RWDD2B: variants seen among roughly 807,000 people sequenced by gnomAD.
RWDD2B encodes RWD domain-containing protein 2B.
In RWDD2B, 36 loss-of-function variants were observed where a neutral mutation model predicts 33.6. The observed-to-expected ratio is 1.07, with a 90% CI of 0.82 to 1.42. The LOEUF is 1.42. Among genes scored for constraint, RWDD2B ranks in the 40% most tolerant of loss-of-function variants. RWDD2B has a pLI of 0.00. For missense variants in RWDD2B, 364 were observed against 377.5 expected (o/e 0.96, Z 0.30); for synonymous variants, 126 against 133.1 (o/e 0.95, Z 0.37).
At position 29,008,380 on chromosome 21, in the gene RWDD2B, G is replaced by T. The variant is rs747702715; in HGVS notation, c.294+15C>A. On this transcript the variant is annotated intron_variant, in intron 2 of 4. Transcript: ENST00000493196. ...TCAACATGTTTCAATCCCTCTAAAA[G>T]CAAAACTGAATTACCATTTTTTCGT... The T allele has an allele frequency of 1.9e-5, 31 of 1,613,110 alleles. No homozygotes were observed. Among genetic ancestry groups the T allele is most frequent in the Non-Finnish European group, 2.6e-5 (31 of 1,179,262 alleles).
intron 1 of RWDD2B, among the ~76,000 whole-genome samples, chr21:29,012,104 C>G (rs1401844529): frequency 7.3e-6 from 1 of 137,000 alleles, no homozygotes; most frequent in Non-Finnish European, 1.6e-5. Context: ...GCCGCCCCGT[C>G]CGGGAGGGAG....
At chr21:29,015,415 G>C (rs1233815101) in intron 1 of RWDD2B, among the ~76,000 whole-genome samples, 1 of 151,252 alleles carries the variant, frequency 6.6e-6, no homozygotes, top group Non-Finnish European at 1.5e-5. Context: ...ATTTTTAGTA[G>C]AGATGGGGTT....
In RWDD2B at chr21:29,014,212, G is replaced by T. The variant is rs1444232035; in HGVS notation, c.67+4999C>A. ...AGAGAATGAGAGCAAGTGCAAGAGA[G>T]ATGAAGGGGCCAAATGCATGCTTTT... is the stretch of plus-strand genomic sequence containing the variant. On this transcript the variant is annotated intron_variant, in intron 1 of 4. Transcript: ENST00000493196. Among the ~76,000 whole-genome samples, 5 of 152,302 alleles carry T rather than the reference G, an allele frequency of 3.3e-5. No homozygotes were observed. In the East Asian group the frequency reaches 7.7e-4, roughly 23 times the overall value.
At chr21:29,010,316 G>A (rs2084850042) in intron 1 of RWDD2B, among the ~76,000 whole-genome samples, 4 of 151,636 alleles carry the variant, frequency 2.6e-5, no homozygotes, top group Non-Finnish European at 5.9e-5. Flanking sequence ...TTAATACATA[G>A]TTCCTTTTGG....
intron 1 of RWDD2B, among the ~76,000 whole-genome samples, chr21:29,015,480 T>C (rs2084885864): frequency 6.6e-6 from 1 of 150,994 alleles, no homozygotes; most frequent in African/African-American, 2.4e-5. Context: ...CCACCCGCGT[T>C]GGCCTCCCAA....
At position 29,005,055 on chromosome 21, in the gene RWDD2B, G is replaced by C. The variant is rs2084821740; in HGVS notation, c.*1362C>G. The C allele has an allele frequency of 6.6e-6, 1 of 152,184 alleles. No homozygotes were observed. The highest frequency in any genetic ancestry group is 6.5e-5 in the Admixed American group (1 of 15,268). The allele number at this position is 152,184 out of a possible 1,614,324, so 9.4% of individuals were successfully genotyped here. ...GCTAGCAAATTAGCAAATAATAAAT[G>C]CTTTTGGAACTAACTGGTTTATGGA... is the stretch of plus-strand genomic sequence containing the variant. On this transcript the variant is annotated 3_prime_UTR_variant, in exon 5 of 5. Coordinates refer to ENST00000493196, the MANE Select transcript of RWDD2B (RefSeq NM_016940.3).
Position 29,019,348 on chromosome 21 carries a change from CG to C in RWDD2B, c.-72del. On this transcript the variant is annotated 5_prime_UTR_variant, in exon 1 of 5. Transcript: ENST00000493196. ...CAAACCGCCTCAGCTGGCGACCTAC[CG>C]GAAAAAAAAAAAAAAAGCATGCGGC... The C allele has an allele frequency of 9.7e-7, 1 of 1,034,712 alleles. No individual in the cohort carries two copies. The highest frequency in any genetic ancestry group is 1.3e-6 in the Non-Finnish European group (1 of 761,730). The allele number at this position is 1,034,712 out of a possible 1,614,324, so 64.1% of individuals were successfully genotyped here. A position where few individuals can be genotyped will look rare whatever the true frequency, so the allele number is the denominator to read the frequency against.
chr21:29,018,337 AC>A (rs1198427080), intron 1 of RWDD2B, among the ~76,000 whole-genome samples: 2 of 152,242 alleles, frequency 1.3e-5, no homozygotes, highest in African/African-American at 4.8e-5. Context: ...TGAAGTGCCT[AC>A]TAAGACACCT....
intron 1 of RWDD2B, among the ~76,000 whole-genome samples, chr21:29,015,283 T>C (rs1206502392): frequency 8.0e-6 from 1 of 125,744 alleles, no homozygotes; most frequent in African/African-American, 3.1e-5. Context: ...CAGGCTGGAG[T>C]ACAATGGTGC....
At chr21:29,016,274 A>T (rs1315241742) in intron 1 of RWDD2B, among the ~76,000 whole-genome samples, 1 of 149,976 alleles carries the variant, frequency 6.7e-6, no homozygotes, top group Non-Finnish European at 1.5e-5. Flanking sequence ...TTATTTATTT[A>T]TTTTTTTGAG....
At chr21:29,008,950 T>A (rs1043900479) in intron 1 of RWDD2B, among the ~76,000 whole-genome samples, 6 of 152,186 alleles carry the variant, frequency 3.9e-5, no homozygotes, top group Non-Finnish European at 8.8e-5. Flanking sequence ...AAACCAATTA[T>A]GTAGTCAAAA....
At position 29,019,283 on chromosome 21, in the gene RWDD2B, G is replaced by A; in HGVS notation, c.-6C>T. ...ATGGACAGCTCAATTTTCATCAGAAGGGAGCCTCAAAATTCTAGCATACTG... is the reference window on the plus strand; with the variant it reads ...ATGGACAGCTCAATTTTCATCAGAAAGGAGCCTCAAAATTCTAGCATACTG... On this transcript the variant is annotated 5_prime_UTR_variant, in exon 1 of 5. Coordinates refer to ENST00000493196, the MANE Select transcript of RWDD2B (RefSeq NM_016940.3). The A allele has an allele frequency of 5.0e-6, 8 of 1,599,804 alleles. No individual in the cohort carries two copies. The highest frequency in any genetic ancestry group is 6.8e-6 in the Non-Finnish European group (8 of 1,173,462).
At chr21:29,015,825 C>G (rs936641021) in intron 1 of RWDD2B, among the ~76,000 whole-genome samples, 1 of 152,156 alleles carries the variant, frequency 6.6e-6, no homozygotes, top group Non-Finnish European at 1.5e-5. Context: ...GCCACCATGC[C>G]CAGCCCCATA....
chr21:29,018,879 G>A (rs1020276959), intron 1 of RWDD2B, among the ~76,000 whole-genome samples: 2 of 152,186 alleles, frequency 1.3e-5, no homozygotes, highest in Non-Finnish European at 2.9e-5. Context: ...TGAAACTTGA[G>A]ATTTCTGAGT....
chr21:29,007,674 C>G, intron 4 of RWDD2B, 87 bp downstream of exon 4: 1 of 1,465,052 alleles, frequency 6.8e-7, no homozygotes, highest in Non-Finnish European at 9.2e-7. Context: ...CCACTGTTGA[C>G]CAAAACGTCA....
At chr21:29,011,605 C>A (rs1316965412) in intron 1 of RWDD2B, among the ~76,000 whole-genome samples, 1 of 142,322 alleles carries the variant, frequency 7.0e-6, no homozygotes, top group African/African-American at 2.7e-5. Context: ...GTCAGCCCCC[C>A]ACCCGGCCAG....
chr21:29,012,540 A>G (rs202119392), intron 1 of RWDD2B, among the ~76,000 whole-genome samples: 8,597 of 151,810 alleles, frequency 0.057, 556 homozygotes, highest in East Asian at 0.16. Context: ...AGGGCGGTGC[A>G]AGATGTGCTT....
At chr21:29,016,466 G>A (rs546119690) in intron 1 of RWDD2B, among the ~76,000 whole-genome samples, 1 of 151,996 alleles carries the variant, frequency 6.6e-6, no homozygotes, top group South Asian at 2.1e-4. Context: ...GTTACACCAT[G>A]TCAGTTGGGC....
intron 1 of RWDD2B, among the ~76,000 whole-genome samples, chr21:29,008,941 A>T (rs1180632541): frequency 6.6e-6 from 1 of 152,220 alleles, no homozygotes; most frequent in Admixed American, 6.5e-5. Context: ...CATCAAAGTA[A>T]ACCAATTATG....
Sources: allele counts gnomAD v4.1 joint callset (sites outside exome capture counted in the v4.1 genomes callset), GRCh38; gene constraint gnomAD v4.1.1; transcripts MANE v1.5; gene names NCBI Gene and HGNC (gene_info 2026-07-23, HGNC 2026-07-21).